Variants in MED12L observed in about 807,000 individuals in gnomAD.
MED12L encodes mediator complex subunit 12L.
A neutral mutation model predicts 281.3 loss-of-function variants in MED12L; 60 were observed. That is an observed-to-expected ratio of 0.21 (90% confidence interval 0.17 to 0.26). The LOEUF (loss-of-function observed/expected upper bound fraction) is 0.26. Among genes scored for constraint, MED12L ranks in the 10% least tolerant of loss-of-function variants. The probability of loss-of-function intolerance (pLI) is 1.00; values close to 1 mark genes in which losing one functional copy is unlikely to be tolerated. For missense variants in MED12L, 2,146 were observed against 2,680.9 expected (o/e 0.80, Z 4.41); for synonymous variants, 974 against 987.2 (o/e 0.99, Z 0.25).
At chr3:151,218,646 A>C (rs1728704547) in intron 16 of MED12L, among the ~76,000 whole-genome samples, 1 of 152,066 alleles carries the variant, frequency 6.6e-6, no homozygotes, top group Non-Finnish European at 1.5e-5. Context: ...AGGTGGGTGG[A>C]TCACGAGGTC....
At position 151,130,769 on chromosome 3, in the gene MED12L, G is replaced by A. The variant is rs1321401783; in HGVS notation, c.556+2785G>A. ...AGAAAAGCCTTCTCCAACCACTGCT[G>A]CCAAAATATCTCCCTGTTACTGTCT... On this transcript the variant is annotated intron_variant, in intron 5 of 44. Coordinates refer to ENST00000687756, the MANE Select transcript of MED12L (RefSeq NM_001393769.1). Among the ~76,000 whole-genome samples the A allele has an allele frequency of 2.6e-5, 4 of 152,274 alleles. No individual in the cohort carries two copies. In the South Asian group the frequency reaches 6.2e-4, roughly 24 times the overall value.
At chr3:151,345,496 T>G (rs1009933205) in intron 16 of MED12L, among the ~76,000 whole-genome samples, 15 of 111,688 alleles carry the variant, frequency 1.3e-4, no homozygotes, top group Non-Finnish European at 1.8e-4. Context: ...GGCTTCTACG[T>G]TTTCTTTCTT....
chr3:151,366,809 C>A (rs1755341123), intron 23 of MED12L, among the ~76,000 whole-genome samples: 1 of 152,080 alleles, frequency 6.6e-6, no homozygotes, highest in South Asian at 2.1e-4. Flanking sequence ...GCCTGCTTTT[C>A]TGGACAGAAG....
Position 151,435,522 on chromosome 3 carries a change from A to G in MED12L, c.*2718A>G, listed in dbSNP as rs184775659. On this transcript the variant is annotated 3_prime_UTR_variant, in exon 45 of 45. Transcript: ENST00000687756. The stretch of plus-strand genomic sequence containing the variant: ...CAAGGGCGCTATTCCACATGTCTCA[A>G]ATGATTGGCAGGGGCTAACTTATTA... 4.0e-4 allele frequency: 61 copies of G among 152,166 alleles called. No individual in the cohort carries two copies. In the East Asian group the frequency reaches 0.011, roughly 27 times the overall value. 9.4% of individuals were successfully genotyped at this position (152,166 alleles called of 1,614,324 possible).
intron 16 of MED12L, chr3:151,294,926 C>T (rs1377135789): frequency 3.1e-6 from 5 of 1,614,038 alleles, no homozygotes; most frequent in Non-Finnish European, 4.2e-6. Context: ...CTTGAAGTAC[C>T]AAGGTCCAAA....
In MED12L at chr3:151,435,569, T is replaced by C. The variant is rs1027466060; in HGVS notation, c.*2765T>C. On this transcript the variant is annotated 3_prime_UTR_variant, in exon 45 of 45. Coordinates refer to ENST00000687756, the MANE Select transcript of MED12L (RefSeq NM_001393769.1). Reference sequence around the variant, plus strand: ...ATTAGTAATTCTCGGTTTTGTGCACTGAGATATCTAAGACCTATGGCATTT... The same window carrying C: ...ATTAGTAATTCTCGGTTTTGTGCACCGAGATATCTAAGACCTATGGCATTT... 1.3e-5 allele frequency: 2 copies of C among 152,166 alleles called. No homozygotes were observed. Among genetic ancestry groups the C allele is most frequent in the African/African-American group, 4.8e-5 (2 of 41,444 alleles). 9.4% of individuals were successfully genotyped at this position (152,166 alleles called of 1,614,324 possible). A position where few individuals can be genotyped will look rare whatever the true frequency, so the allele number is the denominator to read the frequency against.
chr3:151,434,252 T>G lies in MED12L; in HGVS notation c.*1448T>G, dbSNP rs1719843789. On this transcript the variant is annotated 3_prime_UTR_variant, in exon 45 of 45. Coordinates refer to ENST00000687756, the MANE Select transcript of MED12L (RefSeq NM_001393769.1). ...TTTTAAAATGTAGCTAGTACAACTTTAGTAGACATTTTCTTTTGCAAATCA... is the reference window on the plus strand; with the variant it reads ...TTTTAAAATGTAGCTAGTACAACTTGAGTAGACATTTTCTTTTGCAAATCA... 1.3e-5 allele frequency: 2 copies of G among 152,226 alleles called. No homozygotes were observed. The highest frequency in any genetic ancestry group is 2.4e-5 in the African/African-American group (1 of 41,460). 9.4% of individuals were successfully genotyped at this position (152,226 alleles called of 1,614,324 possible). A position where few individuals can be genotyped will look rare whatever the true frequency, so the allele number is the denominator to read the frequency against.
intron 16 of MED12L, among the ~76,000 whole-genome samples, chr3:151,202,306 A>G (rs1213011961): frequency 6.6e-6 from 1 of 152,266 alleles, no homozygotes; most frequent in African/African-American, 2.4e-5. Flanking sequence ...GATACTCAGA[A>G]GTAGTGCAGC....
At chr3:151,192,910 A>G (rs910749152) in intron 15 of MED12L, among the ~76,000 whole-genome samples, 2 of 152,154 alleles carry the variant, frequency 1.3e-5, no homozygotes, top group African/African-American at 4.8e-5. Flanking sequence ...GCTCATCATC[A>G]TCTCATTAAT....
chr3:151,282,200 C>T lies in MED12L; in HGVS notation c.2251-67859C>T, dbSNP rs186753797. Among the ~76,000 whole-genome samples the T allele has an allele frequency of 2.3e-3, 343 of 152,266 alleles. 2 individuals carry two copies. Among genetic ancestry groups the T allele is most frequent in the African/African-American group, 8.0e-3 (333 of 41,550 alleles). ...TCTCTTGGAGACTTGTTCATGTGAG[C>T]CCTGTATAGACCTTATTCTTTTTCG... On this transcript the variant is annotated intron_variant, in intron 16 of 44. Coordinates refer to ENST00000687756, the MANE Select transcript of MED12L (RefSeq NM_001393769.1).
intron 16 of MED12L, among the ~76,000 whole-genome samples, chr3:151,326,124 T>C (rs1749560186): frequency 6.6e-6 from 1 of 152,186 alleles, no homozygotes; most frequent in Admixed American, 6.5e-5. Flanking sequence ...GATCCTCCTG[T>C]TGTCATGATC....
At chr3:151,394,048 G>A (rs1198348048) in intron 38 of MED12L, among the ~76,000 whole-genome samples, 9 of 151,978 alleles carry the variant, frequency 5.9e-5, no homozygotes, top group Non-Finnish European at 1.5e-5. Flanking sequence ...GATTTCCTGT[G>A]GTTTCTTAAG....
intron 11 of MED12L, among the ~76,000 whole-genome samples, chr3:151,178,784 G>C (rs1576899120): frequency 6.6e-6 from 1 of 152,122 alleles, no homozygotes; most frequent in Non-Finnish European, 1.5e-5. Flanking sequence ...AAATTGGGTA[G>C]GCACTCAGTA....
intron 2 of MED12L, among the ~76,000 whole-genome samples, chr3:151,106,526 G>A (rs1242759697): frequency 2.0e-5 from 3 of 152,012 alleles, no homozygotes; most frequent in Admixed American, 6.6e-5. Flanking sequence ...AAAGACAGAA[G>A]CTCTTTACTT....
intron 17 of MED12L, among the ~76,000 whole-genome samples, chr3:151,354,213 C>G (rs1409554616): frequency 6.7e-6 from 1 of 148,982 alleles, no homozygotes; most frequent in African/African-American, 2.5e-5. Context: ...CCAACTTTTC[C>G]TTTTTGTTTT....
intron 16 of MED12L, among the ~76,000 whole-genome samples, chr3:151,318,055 A>G (rs1221936895): frequency 3.3e-5 from 5 of 152,164 alleles, no homozygotes; most frequent in Non-Finnish European, 5.9e-5. Flanking sequence ...TTAAAAATCA[A>G]GAGTTGGGTA....
intron 16 of MED12L, among the ~76,000 whole-genome samples, chr3:151,305,656 A>G (rs756659500): frequency 5.9e-5 from 9 of 152,208 alleles, no homozygotes; most frequent in African/African-American, 1.4e-4. Context: ...ATCAAATACA[A>G]TAGAAACTGA....
intron 16 of MED12L, among the ~76,000 whole-genome samples, chr3:151,236,057 CT>C (rs1269323653): frequency 6.6e-6 from 1 of 152,174 alleles, no homozygotes; most frequent in Non-Finnish European, 1.5e-5. Context: ...TCCTCTCCCC[CT>C]ATTCTTACAT....
chr3:151,247,466 C>T (rs1465223795), intron 16 of MED12L, among the ~76,000 whole-genome samples: 1 of 151,602 alleles, frequency 6.6e-6, no homozygotes, highest in African/African-American at 2.4e-5. Context: ...TTTGTAGGGA[C>T]ATGGATGAAA....
Sources: allele counts gnomAD v4.1 joint callset (sites outside exome capture counted in the v4.1 genomes callset), GRCh38; gene constraint gnomAD v4.1.1; transcripts MANE v1.5; gene names NCBI Gene and HGNC (gene_info 2026-07-23, HGNC 2026-07-21).